Variants in RPTOR observed in about 807,000 individuals in gnomAD.
RPTOR encodes the protein regulatory associated protein of MTOR complex 1, also known as regulatory-associated protein of mTOR.
In RPTOR, 21 loss-of-function variants were observed where a neutral mutation model predicts 169.9. The ratio of observed to expected loss-of-function variants is 0.12; its 90% CI spans 0.09 to 0.18. The LOEUF (loss-of-function observed/expected upper bound fraction) is 0.18. Among genes scored for constraint, RPTOR ranks in the 10% least tolerant of loss-of-function variants. The pLI is 1.00. For synonymous variants in RPTOR, 732 were observed against 753.2 expected (o/e 0.97, Z 0.46); for missense variants, 1,133 against 1,855.9 (o/e 0.61, Z 7.16).
chr17:80,719,361 C>A (rs1303820749), intron 4 of RPTOR, among the ~76,000 whole-genome samples: 1 of 152,106 alleles, frequency 6.6e-6, no homozygotes, highest in Non-Finnish European at 1.5e-5. Context: ...ACTTTATATT[C>A]CAAGTGAAGC....
chr17:80,746,927 C>CTG lies in RPTOR; in HGVS notation c.655-7082_655-7081insGT, dbSNP rs368612467. On this transcript the variant is annotated intron_variant, in intron 5 of 33. Transcript: ENST00000306801. The surrounding 1 kb of genome is among the most constrained non-coding windows in gnomAD (Gnocchi z 4.5). ...AATGTCAGGATGTTTTTTAAAAATGCTAGGTTCTGGGTGGGTGCGGTGGGT... is the reference window on the plus strand; with the variant it reads ...AATGTCAGGATGTTTTTTAAAAATGCTGTAGGTTCTGGGTGGGTGCGGTGGGT... Among the ~76,000 whole-genome samples the CTG allele has an allele frequency of 9.0e-5, 10 of 111,380 alleles. No homozygotes were observed. The highest frequency in any genetic ancestry group is 2.6e-4 in the African/African-American group (9 of 34,910). The allele number at this position is 111,380 out of a possible 152,430, so 73.1% of individuals were successfully genotyped here.
In RPTOR at chr17:80,695,072, T is replaced by G. The variant is rs1370003577; in HGVS notation, c.349-12769T>G. Among the ~76,000 whole-genome samples the G allele has an allele frequency of 6.6e-6, 1 of 152,136 alleles. No homozygotes were observed. The highest frequency in any genetic ancestry group is 1.5e-5 in the Non-Finnish European group (1 of 68,016). ...TGACATGGGCCTGTGCGGGGCTGGC[T>G]GTGTGGCCCCGTGAGGGTTACTGAA... On this transcript the variant is annotated intron_variant, in intron 3 of 33. Transcript: ENST00000306801. The surrounding 1 kb of genome is among the most constrained non-coding windows in gnomAD (Gnocchi z 4.9).
intron 1 of RPTOR, among the ~76,000 whole-genome samples, chr17:80,622,777 C>T (rs917282862): frequency 6.6e-6 from 1 of 151,982 alleles, no homozygotes; most frequent in Admixed American, 6.6e-5. Context: ...GGTGGCACAC[C>T]CTGTGGTCCC....
At chr17:80,735,286 C>T (rs1035251888) in intron 5 of RPTOR, among the ~76,000 whole-genome samples, 13 of 152,146 alleles carry the variant, frequency 8.5e-5, no homozygotes, top group African/African-American at 2.9e-4. Flanking sequence ...CCAGTGGTAG[C>T]CCTGTTACTC....
intron 4 of RPTOR, among the ~76,000 whole-genome samples, chr17:80,716,283 A>T (rs530451620): frequency 6.6e-6 from 1 of 152,206 alleles, no homozygotes; most frequent in South Asian, 2.1e-4. Flanking sequence ...GGTGGTATCT[A>T]TTGCATTGTG....
chr17:80,773,770 G>A, intron 6 of RPTOR: 2 of 985,352 alleles, frequency 2.0e-6, no homozygotes, highest in South Asian at 4.7e-5. Flanking sequence ...GCCTTGCTGG[G>A]GACGTGTAGT....
At chr17:80,866,999 T>C (rs2068000210) in intron 13 of RPTOR, among the ~76,000 whole-genome samples, 1 of 152,208 alleles carries the variant, frequency 6.6e-6, no homozygotes, top group Non-Finnish European at 1.5e-5. Context: ...CTAAGCACCT[T>C]CCCATATTGT....
At chr17:80,901,916 T>C (rs1296390846) in intron 20 of RPTOR, among the ~76,000 whole-genome samples, 1 of 152,174 alleles carries the variant, frequency 6.6e-6, no homozygotes, top group Non-Finnish European at 1.5e-5. Context: ...CCTTGGCTGG[T>C]ACTTGGCTTC....
At chr17:80,639,415 C>T (rs1168276363) in intron 2 of RPTOR, among the ~76,000 whole-genome samples, 1 of 151,960 alleles carries the variant, frequency 6.6e-6, no homozygotes, top group Admixed American at 6.6e-5. Context: ...GGAAACTGCA[C>T]CTAACCCGGG....
intron 1 of RPTOR, among the ~76,000 whole-genome samples, chr17:80,585,199 ATTATTTTTGT>A (rs1178981295): frequency 2.5e-5 from 1 of 39,304 alleles, no homozygotes; most frequent in Non-Finnish European, 5.2e-5. Flanking sequence ...TATTATTATT[ATTATTTTTGT>A]TTTTTTTTTT....
chr17:80,698,433 C>G (rs2066055700), intron 3 of RPTOR, among the ~76,000 whole-genome samples: 1 of 152,120 alleles, frequency 6.6e-6, no homozygotes, highest in Non-Finnish European at 1.5e-5. Context: ...GTTTCTGCAC[C>G]GTTGTCACCA....
intron 14 of RPTOR, among the ~76,000 whole-genome samples, chr17:80,880,826 T>G (rs886073028): frequency 6.6e-6 from 1 of 152,194 alleles, no homozygotes; most frequent in Non-Finnish European, 1.5e-5. Context: ...GTTAGACTAG[T>G]GAGCGCCGCA....
chr17:80,834,699 G>A (rs1032629137), intron 9 of RPTOR, among the ~76,000 whole-genome samples: 4 of 152,240 alleles, frequency 2.6e-5, no homozygotes, highest in Non-Finnish European at 5.9e-5. Flanking sequence ...GGTGTGCTGA[G>A]CGATGTCTCC....
rs2065460483 is a variant in RPTOR at position 80,633,870 on chromosome 17, T to G, written c.265+8077T>G. On this transcript the variant is annotated intron_variant, in intron 2 of 33. Transcript: ENST00000306801. The surrounding 1 kb of genome is among the most constrained non-coding windows in gnomAD (Gnocchi z 4.1). ...AACCCATTGGGCCGGCTTCTTTGGC[T>G]TCTGTCTTGTTTGCATCATTCGTGG... is the stretch of plus-strand genomic sequence containing the variant. Among the ~76,000 whole-genome samples, 1 of 152,238 alleles carries G rather than the reference T, an allele frequency of 6.6e-6. No homozygotes were observed. The highest frequency in any genetic ancestry group is 1.9e-4 in the East Asian group (1 of 5,204).
chr17:80,940,397 T>A, intron 24 of RPTOR, 99 bp from the exon 25 acceptor site: 1 of 940,608 alleles, frequency 1.1e-6, no homozygotes, highest in Non-Finnish European at 1.6e-6. Context: ...GCCGCGCAGG[T>A]TTTGCTATCC....
intron 1 of RPTOR, among the ~76,000 whole-genome samples, chr17:80,584,124 G>GA (rs1390993511): frequency 1.3e-5 from 2 of 152,232 alleles, no homozygotes; most frequent in Non-Finnish European, 2.9e-5. Flanking sequence ...AGGCCGAGGA[G>GA]ACCCCCGCTT....
At chr17:80,682,732 G>A (rs2065908029) in intron 3 of RPTOR, among the ~76,000 whole-genome samples, 1 of 152,142 alleles carries the variant, frequency 6.6e-6, no homozygotes, top group South Asian at 2.1e-4. Flanking sequence ...CATAACCACA[G>A]TACATTTATC....
chr17:80,803,957 G>A lies in RPTOR; in HGVS notation c.890+12448G>A, dbSNP rs2067190405. ...GGGAGCCCCACAGCCTCTGAGCCAG[G>A]CACGAGCTTGGGCTGTGTGGCAAGG... On this transcript the variant is annotated intron_variant, in intron 7 of 33. Coordinates refer to ENST00000306801, the MANE Select transcript of RPTOR (RefSeq NM_020761.3). This position sits in a 1 kb window ranked among gnomAD's most constrained non-coding sequence, Gnocchi z 6.2. Among the ~76,000 whole-genome samples the A allele has an allele frequency of 1.3e-5, 2 of 152,206 alleles. No individual in the cohort carries two copies. Among genetic ancestry groups the A allele is most frequent in the South Asian group, 4.1e-4 (2 of 4,834 alleles).
At chr17:80,753,632 CAAAAA>C (rs35693819) in intron 5 of RPTOR, among the ~76,000 whole-genome samples, 1 of 94,992 alleles carries the variant, frequency 1.1e-5, no homozygotes, top group Admixed American at 1.2e-4. Context: ...AACTCCGTCT[CAAAAA>C]AAAAAAAAAA....
Sources: gnomAD v4.1 joint callset for allele counts (sites outside exome capture counted in the v4.1 genomes callset) on GRCh38, gnomAD v4.1.1 for gene constraint, Gnocchi (gnomAD v3.1) non-coding constraint, MANE v1.5 for transcripts, NCBI Gene and HGNC (gene_info 2026-07-23, HGNC 2026-07-21) for gene names.